The following INPP1 variants were observed in gnomAD, a reference collection of about 807,000 sequenced individuals.
INPP1 encodes inositol polyphosphate 1-phosphatase.
INPP1 carries 18 observed loss-of-function variants against 23.0 expected under a neutral mutation model. The ratio of observed to expected loss-of-function variants is 0.78; its 90% confidence interval spans 0.54 to 1.16. The LOEUF is 1.16. Ranked by LOEUF, INPP1 falls within the 50% of genes most tolerant of loss-of-function variation. INPP1 has a pLI of 0.00. For missense variants in INPP1, 448 were observed against 482.1 expected (o/e 0.93, Z 0.66); for synonymous variants, 164 against 176.3 (o/e 0.93, Z 0.55).
At position 190,369,094 on chromosome 2, in the gene INPP1, CTTTTTCA is replaced by C; in HGVS notation, c.467-8_467-2del. 1 of 1,533,482 alleles carries C rather than the reference CTTTTTCA, an allele frequency of 6.5e-7. No homozygotes were observed. Among genetic ancestry groups the C allele is most frequent in the Non-Finnish European group, 8.9e-7 (1 of 1,126,976 alleles). 95.0% of individuals were successfully genotyped at this position (1,533,482 alleles called of 1,614,324 possible). A position where few individuals can be genotyped will look rare whatever the true frequency, so the allele number is the denominator to read the frequency against. On this transcript the variant is annotated splice_acceptor_variant and splice_polypyrimidine_tract_variant and intron_variant, in intron 5 of 6. Transcript: ENST00000392329. LOFTEE classifies it high-confidence loss of function. ...ACCTGAATCCAAACACATTTGTTTC[CTTTTTCA>C]GATTCAACTTATCAGTATATAAAAG...
chr2:190,359,641 C>A, intron 2 of INPP1: 1 of 155,590 alleles, frequency 6.4e-6, no homozygotes, highest in South Asian at 1.9e-4. Flanking sequence ...CCCTTCTTCC[C>A]ACAGGGTGAA....
intron 4 of INPP1, among the ~76,000 whole-genome samples, chr2:190,364,520 T>A (rs1203579364): frequency 7.0e-6 from 1 of 142,528 alleles, no homozygotes; most frequent in Non-Finnish European, 1.5e-5. Context: ...CCAGCTTGGG[T>A]GACAGAGCAA....
In INPP1 at chr2:190,371,341, G is replaced by A. The variant is rs141851582; in HGVS notation, c.1139G>A (p.Arg380Gln). ...GGLIAYRSRK[R>Q]LETFLSLLVQ... is the part of the protein sequence containing the mutation. ...CTCATTGCATACAGATCCAGGAAGCGGCTGGAGACATTCCTGAGCCTCCTG... is the reference window on the plus strand; with the variant it reads ...CTCATTGCATACAGATCCAGGAAGCAGCTGGAGACATTCCTGAGCCTCCTG... The change falls in exon 7 of 7, where the codon CGG (arginine) becomes CAG (glutamine). Residue 380 changes from arginine to glutamine, a missense_variant. Coordinates refer to ENST00000392329, the MANE Select transcript of INPP1 (RefSeq NM_001128928.2). This position sits in a 1 kb window ranked among gnomAD's most constrained non-coding sequence, Gnocchi z 5.3. The A allele has an allele frequency of 2.6e-5, 41 of 1,563,104 alleles. No individual in the cohort carries two copies. Among genetic ancestry groups the A allele is most frequent in the African/African-American group, 1.5e-4 (11 of 73,290 alleles).
chr2:190,367,299 A>G lies in INPP1; in HGVS notation c.466+404A>G, dbSNP rs1689700194. On this transcript the variant is annotated intron_variant, in intron 5 of 6. Coordinates refer to ENST00000392329, the MANE Select transcript of INPP1 (RefSeq NM_001128928.2). The surrounding 1 kb of genome is among the most constrained non-coding windows in gnomAD (Gnocchi z 4.1). ...CACTTAGCTTTAGCAGATTGTTACCATATGGGAGTACAGGCCAGCTCTTCA... is the reference window on the plus strand; with the variant it reads ...CACTTAGCTTTAGCAGATTGTTACCGTATGGGAGTACAGGCCAGCTCTTCA... Among the ~76,000 whole-genome samples the G allele has an allele frequency of 6.6e-6, 1 of 152,206 alleles. No individual in the cohort carries two copies. The highest frequency in any genetic ancestry group is 2.4e-5 in the African/African-American group (1 of 41,448).
rs1006493054 is a variant in INPP1 at position 190,367,459 on chromosome 2, G to T, written c.466+564G>T. Among the ~76,000 whole-genome samples, 3 of 152,234 alleles carry T rather than the reference G, an allele frequency of 2.0e-5. No homozygotes were observed. The highest frequency in any genetic ancestry group is 2.9e-5 in the Non-Finnish European group (2 of 68,044). ...GGTCAAGCAAAAAGCTGAATGTGAC[G>T]CATGAGCAGTTTGTGAGCCCTGCAT... is the stretch of plus-strand genomic sequence containing the variant. On this transcript the variant is annotated intron_variant, in intron 5 of 6. Coordinates refer to ENST00000392329, the MANE Select transcript of INPP1 (RefSeq NM_001128928.2). This position sits in a 1 kb window ranked among gnomAD's most constrained non-coding sequence, Gnocchi z 4.1.
In INPP1 at chr2:190,345,316, T is replaced by C. The variant is rs1466995800; in HGVS notation, c.-209+1355T>C. On this transcript the variant is annotated intron_variant, in intron 1 of 6. Coordinates refer to ENST00000392329, the MANE Select transcript of INPP1 (RefSeq NM_001128928.2). The surrounding 1 kb of genome is among the most constrained non-coding windows in gnomAD (Gnocchi z 4.9). ...TTGACTAATGCCCTTTAAAATGATA[T>C]ACCTTATTATAGATTTAAATTATAG... Among the ~76,000 whole-genome samples the C allele has an allele frequency of 6.6e-6, 1 of 152,250 alleles. No homozygotes were observed. The highest frequency in any genetic ancestry group is 2.4e-5 in the African/African-American group (1 of 41,470).
intron 6 of INPP1, 70 bp downstream of exon 6, chr2:190,369,347 G>A: frequency 1.2e-6 from 1 of 802,356 alleles, no homozygotes; most frequent in African/African-American, 1.7e-5. Flanking sequence ...TTGTTGTTAG[G>A]ATTATCACTA....
At position 190,369,158 on chromosome 2, in the gene INPP1, C is replaced by A. The variant is rs752778596; in HGVS notation, c.522C>A (p.Ile174=). 5.6e-6 allele frequency: 9 copies of A among 1,607,506 alleles called. No individual in the cohort carries two copies. The Admixed American group carries it at 6.7e-5, about 12-fold the overall frequency. The part of the protein sequence containing the change: ...GSADIKSNQG[I]FPCGLQCVTI... ...CTGACATTAAATCCAACCAGGGAAT[C>A]TTCCCCTGTGGACTTCAGTGTGTCA... The change falls in exon 6 of 7, where the codon ATC becomes ATA. Residue 174 remains isoleucine (I), a synonymous_variant. Coordinates refer to ENST00000392329, the MANE Select transcript of INPP1 (RefSeq NM_001128928.2).
chr2:190,348,069 C>T (rs1559079119), intron 1 of INPP1, among the ~76,000 whole-genome samples: 5 of 152,114 alleles, frequency 3.3e-5, no homozygotes, highest in South Asian at 4.1e-4. Flanking sequence ...ACCTGGGAGG[C>T]GGAGGTTGCA....
At position 190,360,218 on chromosome 2, in the gene INPP1, G is replaced by A. The variant is rs1368671176; in HGVS notation, c.116G>A (p.Gly39Glu). Residue 39 changes from glycine to glutamate, a missense_variant, in exon 3 of 7, where the codon GGA becomes GAA. Physicochemically the swap from Gly to Glu is moderately conservative, Grantham distance 98. Coordinates refer to ENST00000392329, the MANE Select transcript of INPP1 (RefSeq NM_001128928.2). ...CTGCTGATCGAAGAAAAGAAAGAGG[G>A]AGAAAAGAACAAGAAGTTTGCAGTT... ...FQLLIEEKKE[G>E]EKNKKFAVDF... 6.2e-7 allele frequency: 1 copy of A among 1,614,056 alleles called. No individual in the cohort carries two copies. Among genetic ancestry groups the A allele is most frequent in the East Asian group, 2.2e-5 (1 of 44,896 alleles).
At chr2:190,366,355 CTCTG>C (rs1689670688) in intron 4 of INPP1, among the ~76,000 whole-genome samples, 1 of 150,848 alleles carries the variant, frequency 6.6e-6, no homozygotes, top group Non-Finnish European at 1.5e-5. Context: ...CTCTTGCTTG[CTCTG>C]TCTCACTCTT....
In INPP1 at chr2:190,368,602, T is replaced by G. The variant is rs1260164642; in HGVS notation, c.467-501T>G. ...AATGGGGTATCCATCCCTTTGAGCATTTATCCTTTGAGTAATAAACAATCT... is the reference window on the plus strand; with the variant it reads ...AATGGGGTATCCATCCCTTTGAGCAGTTATCCTTTGAGTAATAAACAATCT... On this transcript the variant is annotated intron_variant, in intron 5 of 6. Coordinates refer to ENST00000392329, the MANE Select transcript of INPP1 (RefSeq NM_001128928.2). This position sits in a 1 kb window ranked among gnomAD's most constrained non-coding sequence, Gnocchi z 4.3. The G allele has an allele frequency of 2.0e-5, 3 of 152,370 alleles. No individual in the cohort carries two copies. Among genetic ancestry groups the G allele is most frequent in the Admixed American group, 2.0e-4 (3 of 15,312 alleles). The allele number at this position is 152,370 out of a possible 1,614,324, so 9.4% of individuals were successfully genotyped here. A position where few individuals can be genotyped will look rare whatever the true frequency, so the allele number is the denominator to read the frequency against.
At chr2:190,365,940 ACT>A (rs1169845036) in intron 4 of INPP1, among the ~76,000 whole-genome samples, 1 of 58,188 alleles carries the variant, frequency 1.7e-5, no homozygotes, top group Admixed American at 1.8e-4. Context: ...TCTCTCGCTC[ACT>A]GTCTGTCTCA....
chr2:190,366,675 A>T lies in INPP1; in HGVS notation c.266-20A>T. 1 of 1,551,954 alleles carries T rather than the reference A, an allele frequency of 6.4e-7. No homozygotes were observed. Among genetic ancestry groups the T allele is most frequent in the Non-Finnish European group, 8.9e-7 (1 of 1,123,908 alleles). On this transcript the variant is annotated intron_variant, in intron 4 of 6. Coordinates refer to ENST00000392329, the MANE Select transcript of INPP1 (RefSeq NM_001128928.2). ...TGAAACTCTTGAAATGTAATGGCTT[A>T]TCGTGTGGCTTTACCCTAGGGGAAA...
chr2:190,360,681 A>C (rs984793862), intron 3 of INPP1, among the ~76,000 whole-genome samples: 2 of 152,224 alleles, frequency 1.3e-5, no homozygotes, highest in African/African-American at 4.8e-5. Context: ...AACCACAGCT[A>C]TGCTTTGATA....
In INPP1 at chr2:190,367,201, C is replaced by T. The variant is rs1250780401; in HGVS notation, c.466+306C>T. Among the ~76,000 whole-genome samples, 1 of 152,024 alleles carries T rather than the reference C, an allele frequency of 6.6e-6. No homozygotes were observed. Among genetic ancestry groups the T allele is most frequent in the Non-Finnish European group, 1.5e-5 (1 of 68,020 alleles). The stretch of plus-strand genomic sequence containing the variant: ...CTTCTCTTCAAAAGACTTCAGGGAC[C>T]AGACTGGTAAGTAAATGAGAGAATG... On this transcript the variant is annotated intron_variant, in intron 5 of 6. Coordinates refer to ENST00000392329, the MANE Select transcript of INPP1 (RefSeq NM_001128928.2). The surrounding 1 kb of genome is among the most constrained non-coding windows in gnomAD (Gnocchi z 4.1).
At chr2:190,351,739 A>G (rs1689327949) in intron 2 of INPP1, among the ~76,000 whole-genome samples, 1 of 152,218 alleles carries the variant, frequency 6.6e-6, no homozygotes, top group African/African-American at 2.4e-5. Context: ...GTTATTACCA[A>G]TGTTAGATTA....
At position 190,360,227 on chromosome 2, in the gene INPP1, A is replaced by T. The variant is rs1689509340; in HGVS notation, c.125A>T (p.Asn42Ile). 1 of 1,614,102 alleles carries T rather than the reference A, an allele frequency of 6.2e-7. No individual in the cohort carries two copies. The highest frequency in any genetic ancestry group is 1.7e-5 in the Admixed American group (1 of 60,012). The change falls in exon 3 of 7, where the codon AAC becomes ATC. Residue 42 changes from asparagine (N) to isoleucine (I), a missense_variant. Coordinates refer to ENST00000392329, the MANE Select transcript of INPP1 (RefSeq NM_001128928.2). ...LIEEKKEGEK[N>I]KKFAVDFKTL... ...GAAGAAAAGAAAGAGGGAGAAAAGA[A>T]CAAGAAGTTTGCAGTTGACTTCAAG...
intron 2 of INPP1, chr2:190,359,807 T>C (rs1244971550): frequency 3.1e-6 from 1 of 317,852 alleles, no homozygotes; most frequent in Non-Finnish European, 6.0e-6. Flanking sequence ...ACTGAGAATT[T>C]AATTCTTGGT....
Sources: gnomAD v4.1 joint callset for allele counts (sites outside exome capture counted in the v4.1 genomes callset) on GRCh38, gnomAD v4.1.1 for gene constraint, Gnocchi (gnomAD v3.1) non-coding constraint, MANE v1.5 for transcripts, NCBI Gene and HGNC (gene_info 2026-07-23, HGNC 2026-07-21) for gene names.